CDKAL1: variants seen among roughly 807,000 people sequenced by gnomAD.
The protein encoded by CDKAL1 is threonylcarbamoyladenosine tRNA methylthiotransferase.
A neutral mutation model predicts 68.2 loss-of-function variants in CDKAL1; 32 were observed. The ratio of observed to expected loss-of-function variants is 0.47; its 90% CI spans 0.35 to 0.63. The LOEUF (loss-of-function observed/expected upper bound fraction) is 0.63, where lower values mean the gene tolerates loss of function less well. Ranked by LOEUF, CDKAL1 falls within the 30% of genes least tolerant of loss-of-function variation. The pLI is 0.00. For synonymous variants in CDKAL1, 234 were observed against 244.3 expected (o/e 0.96, Z 0.39); for missense variants, 606 against 696.7 (o/e 0.87, Z 1.47).
At chr6:20,808,031 C>T (rs1776645333) in intron 8 of CDKAL1, among the ~76,000 whole-genome samples, 1 of 152,142 alleles carries the variant, frequency 6.6e-6, no homozygotes, top group Non-Finnish European at 1.5e-5. Context: ...TGAATTTGCT[C>T]AGTTAAAATC....
At chr6:20,807,448 C>A (rs1266351603) in intron 8 of CDKAL1, among the ~76,000 whole-genome samples, 4 of 152,138 alleles carry the variant, frequency 2.6e-5, no homozygotes, top group African/African-American at 7.2e-5. Context: ...GTCTCGAACT[C>A]CTGACCTTGT....
At chr6:20,654,134 C>T (rs752628784) in intron 5 of CDKAL1, among the ~76,000 whole-genome samples, 25 of 152,072 alleles carry the variant, frequency 1.6e-4, no homozygotes, top group Non-Finnish European at 3.1e-4. Flanking sequence ...CCACCTGCCT[C>T]GGCCTCCCAA....
rs575298824 is a variant in CDKAL1 at position 21,226,705 on chromosome 6, TTTTTG to T, written c.1549-4123_1549-4119del. Among the ~76,000 whole-genome samples, 194 of 152,088 alleles carry T rather than the reference TTTTTG, an allele frequency of 1.3e-3. 1 individual carries two copies. Among genetic ancestry groups the T allele is most frequent in the Non-Finnish European group, 1.6e-3 (110 of 68,008 alleles). ...CAGCTTGTTTTTTTTGTTGTTGCTG[TTTTTG>T]TTTTGTTTTGTTTTGTTTTTGAGAT... is the stretch of plus-strand genomic sequence containing the variant. On this transcript the variant is annotated intron_variant, in intron 15 of 15. Transcript: ENST00000274695.
At chr6:20,548,086 G>A (rs1448282286) in intron 3 of CDKAL1, among the ~76,000 whole-genome samples, 1 of 152,152 alleles carries the variant, frequency 6.6e-6, no homozygotes, top group Non-Finnish European at 1.5e-5. Context: ...TTAGAATTCT[G>A]TGGTTATTTT....
chr6:20,802,632 G>T (rs113569998), intron 8 of CDKAL1, among the ~76,000 whole-genome samples: 73 of 152,130 alleles, frequency 4.8e-4, no homozygotes, highest in African/African-American at 1.7e-3. Flanking sequence ...TTTCCAGTTG[G>T]ATGATTGCAA....
At chr6:20,868,051 C>T (rs1440730504) in intron 9 of CDKAL1, among the ~76,000 whole-genome samples, 1 of 53,734 alleles carries the variant, frequency 1.9e-5, no homozygotes, top group African/African-American at 4.1e-5. Context: ...CGTGTTACTT[C>T]TGTATAATAA....
intron 4 of CDKAL1, among the ~76,000 whole-genome samples, chr6:20,609,391 TCTTCTTCTTC>T (rs1561963289): frequency 5.4e-5 from 6 of 110,244 alleles, no homozygotes; most frequent in African/African-American, 1.6e-4. Context: ...TTCTTCTTCT[TCTTCTTCTTC>T]TTTTTTTTTT....
At chr6:20,955,305 C>T in intron 9 of CDKAL1, 114 bp from the exon 10 acceptor site, 1 of 1,065,804 alleles carries the variant, frequency 9.4e-7, no homozygotes, top group South Asian at 1.5e-5. Context: ...AATTGAATAC[C>T]CAGACTGCCT....
At chr6:21,170,375 C>G (rs1253515765) in intron 13 of CDKAL1, among the ~76,000 whole-genome samples, 2 of 152,184 alleles carry the variant, frequency 1.3e-5, no homozygotes, top group Non-Finnish European at 2.9e-5. Flanking sequence ...CACTCTGTCA[C>G]ACAGGCTGGA....
chr6:21,020,022 G>T (rs1167712492), intron 11 of CDKAL1, among the ~76,000 whole-genome samples: 1 of 151,944 alleles, frequency 6.6e-6, no homozygotes, highest in Non-Finnish European at 1.5e-5. Flanking sequence ...CTGTTTAAAA[G>T]TCCTAGAAGC....
intron 13 of CDKAL1, among the ~76,000 whole-genome samples, chr6:21,178,092 A>T (rs1777655272): frequency 6.6e-6 from 1 of 152,164 alleles, no homozygotes; most frequent in African/African-American, 2.4e-5. Context: ...ATGAAATATT[A>T]TTATTAAAGG....
chr6:20,724,415 A>T (rs983103980), intron 5 of CDKAL1, among the ~76,000 whole-genome samples: 1 of 151,906 alleles, frequency 6.6e-6, no homozygotes, highest in South Asian at 2.1e-4. Flanking sequence ...TTCTGATTAC[A>T]TGGCCAATTC....
intron 12 of CDKAL1, among the ~76,000 whole-genome samples, chr6:21,100,881 G>A (rs1033188352): frequency 1.3e-5 from 2 of 152,092 alleles, no homozygotes; most frequent in South Asian, 2.1e-4. Flanking sequence ...GTGATTGAGC[G>A]CTGATATTGT....
chr6:21,045,811 G>A (rs1428067117), intron 11 of CDKAL1, among the ~76,000 whole-genome samples: 1 of 152,140 alleles, frequency 6.6e-6, no homozygotes, highest in African/African-American at 2.4e-5. Context: ...CTTCATGTGG[G>A]TATTTTTATT....
At chr6:21,149,093 T>G (rs897525672) in intron 13 of CDKAL1, among the ~76,000 whole-genome samples, 3 of 152,180 alleles carry the variant, frequency 2.0e-5, no homozygotes, top group Non-Finnish European at 4.4e-5. Flanking sequence ...CAGTAAACAT[T>G]TGGAGGACAA....
intron 4 of CDKAL1, among the ~76,000 whole-genome samples, chr6:20,564,695 A>G (rs1764390243): frequency 6.6e-6 from 1 of 152,226 alleles, no homozygotes; most frequent in Non-Finnish European, 1.5e-5. Flanking sequence ...GCTTTTGTAT[A>G]ACAAAAACCA....
chr6:20,752,592 T>C (rs1032534726), intron 6 of CDKAL1, among the ~76,000 whole-genome samples: 2 of 152,170 alleles, frequency 1.3e-5, no homozygotes, highest in Non-Finnish European at 1.5e-5. Flanking sequence ...ATATGCTCTT[T>C]ACCCAGATTC....
intron 10 of CDKAL1, among the ~76,000 whole-genome samples, chr6:20,998,441 A>G (rs951692237): frequency 2.0e-5 from 3 of 152,008 alleles, no homozygotes; most frequent in East Asian, 1.9e-4. Flanking sequence ...GTGAAACCCC[A>G]TCTCTACTAA....
At chr6:20,555,572 G>T (rs1764002945) in intron 4 of CDKAL1, among the ~76,000 whole-genome samples, 1 of 148,340 alleles carries the variant, frequency 6.7e-6, no homozygotes. Flanking sequence ...ACCCATCTTG[G>T]CCTCCCAAAG....
Sources: gnomAD v4.1 joint callset for allele counts (sites outside exome capture counted in the v4.1 genomes callset) on GRCh38, gnomAD v4.1.1 for gene constraint, MANE v1.5 for transcripts, NCBI Gene and HGNC (gene_info 2026-07-23, HGNC 2026-07-21) for gene names.